The following MBD2 variants were observed in gnomAD, a reference collection of about 807,000 sequenced individuals.
MBD2 encodes methyl-CpG binding domain protein 2.
In MBD2, 9 loss-of-function variants were observed where a neutral mutation model predicts 39.3. The observed-to-expected ratio is 0.23, with a 90% CI of 0.14 to 0.40. The LOEUF (loss-of-function observed/expected upper bound fraction) is 0.40. Ranked by LOEUF, MBD2 falls within the 10% of genes least tolerant of loss-of-function variation. MBD2 has a pLI of 1.00. For synonymous variants in MBD2, 233 were observed against 211.1 expected, an observed-to-expected ratio of 1.10 and a Z score of -0.90; for missense variants, 458 against 532.6, an observed-to-expected ratio of 0.86 and a Z score of 1.38.
intron 1 of MBD2, among the ~76,000 whole-genome samples, chr18:54,217,566 GAGA>G (rs1248658762): frequency 4.6e-5 from 7 of 152,264 alleles, no homozygotes; most frequent in African/African-American, 1.7e-4. Context: ...TGCATGTCTT[GAGA>G]AGATTTTAAA....
chr18:54,183,705 C>G (rs1428843455), intron 3 of MBD2, among the ~76,000 whole-genome samples: 2 of 152,004 alleles, frequency 1.3e-5, no homozygotes, highest in Admixed American at 6.5e-5. Flanking sequence ...CACACAATGC[C>G]AAGAAGTTTG....
chr18:54,166,033 T>C (rs1339421487), intron 4 of MBD2, 43 bp downstream of exon 4: 10 of 1,307,704 alleles, frequency 7.6e-6, no homozygotes, highest in South Asian at 2.4e-5. Context: ...TGGCATGCAG[T>C]AGGTACTTGA....
chr18:54,166,727 G>C (rs117100344), intron 3 of MBD2, among the ~76,000 whole-genome samples: 27 of 152,258 alleles, frequency 1.8e-4, no homozygotes, highest in South Asian at 4.1e-4. Flanking sequence ...TCACATTCAT[G>C]AGTGACTCTT....
chr18:54,189,206 G>C (rs1189823112), intron 2 of MBD2, among the ~76,000 whole-genome samples, 195 bp from the exon 3 acceptor site: 3 of 149,688 alleles, frequency 2.0e-5, no homozygotes, highest in African/African-American at 7.4e-5. Context: ...CAAAATATAT[G>C]AAAAACTTTT....
At chr18:54,157,578 G>C (rs2086062181) in intron 6 of MBD2, among the ~76,000 whole-genome samples, 1 of 152,136 alleles carries the variant, frequency 6.6e-6, no homozygotes, top group African/African-American at 2.4e-5. Flanking sequence ...ATTCTGTATG[G>C]TCAGGAAACT....
In MBD2 at chr18:54,224,195, G is replaced by T; in HGVS notation, c.365C>A (p.Pro122His). 8.2e-7 allele frequency: 1 copy of T among 1,214,648 alleles called. No homozygotes were observed. Among genetic ancestry groups the T allele is most frequent in the Non-Finnish European group, 1.0e-6 (1 of 978,176 alleles). The allele number at this position is 1,214,648 out of a possible 1,614,324, so 75.2% of individuals were successfully genotyped here. Reference sequence around the variant, plus strand: ...CGGGAAAGGGACCGGCTCCCGCCGGGGGGCGCCGCCGCCACCGCTGCCGCC... The same window carrying T: ...CGGGAAAGGGACCGGCTCCCGCCGGTGGGCGCCGCCGCCACCGCTGCCGCC... ...GGGGSGGGGA[P>H]RREPVPFPSG... The change falls in exon 1 of 7, where the codon CCC becomes CAC. Residue 122 changes from proline (P) to histidine (H), a missense_variant. Pro to His is a moderately conservative substitution (Grantham distance 77). Transcript: ENST00000256429.
intron 1 of MBD2, among the ~76,000 whole-genome samples, chr18:54,216,034 T>A (rs1024593122): frequency 6.6e-6 from 1 of 151,966 alleles, no homozygotes; most frequent in African/African-American, 2.4e-5. Flanking sequence ...CTTGAACTCC[T>A]GACCTCAGGT....
intron 5 of MBD2, among the ~76,000 whole-genome samples, chr18:54,162,810 T>C (rs925354575): frequency 1.3e-5 from 2 of 152,250 alleles, no homozygotes; most frequent in African/African-American, 4.8e-5. Context: ...ACTTCATTCA[T>C]ATTCATATGC....
In MBD2 at chr18:54,156,682, T is replaced by C. The variant is rs1032205094; in HGVS notation, c.*13-1371A>G. Among the ~76,000 whole-genome samples, 4 of 151,764 alleles carry C rather than the reference T, an allele frequency of 2.6e-5. No individual in the cohort carries two copies. The South Asian group carries it at 6.3e-4, about 24-fold the overall frequency. On this transcript the variant is annotated intron_variant, in intron 6 of 6. Transcript: ENST00000256429. ...AACCTGCCCAACATGGCGAAAACCGTCTCTAGAAAAAATACAAAAAATTAA... is the reference window on the plus strand; with the variant it reads ...AACCTGCCCAACATGGCGAAAACCGCCTCTAGAAAAAATACAAAAAATTAA...
At chr18:54,156,152 T>G (rs2086050223) in intron 6 of MBD2, among the ~76,000 whole-genome samples, 1 of 152,214 alleles carries the variant, frequency 6.6e-6, no homozygotes, top group Admixed American at 6.5e-5. Flanking sequence ...TACGGACAGC[T>G]GATTGAGTCA....
intron 1 of MBD2, 101 bp downstream of exon 1, chr18:54,223,917 C>T: frequency 9.9e-7 from 1 of 1,012,556 alleles, no homozygotes; most frequent in Non-Finnish European, 1.4e-6. Flanking sequence ...GTCCCTGCCA[C>T]ATGCCCCCCG....
intron 2 of MBD2, among the ~76,000 whole-genome samples, chr18:54,203,431 G>C (rs1391968351): frequency 6.6e-6 from 1 of 152,116 alleles, no homozygotes; most frequent in Non-Finnish European, 1.5e-5. Flanking sequence ...CCTAACTTTT[G>C]CTAACTTGGG....
intron 2 of MBD2, among the ~76,000 whole-genome samples, chr18:54,189,299 C>G (rs373764368): frequency 1.9e-4 from 28 of 150,300 alleles, no homozygotes; most frequent in Non-Finnish European, 3.7e-4. Flanking sequence ...TCTAGGCTCA[C>G]TACAAGCTCC....
intron 3 of MBD2, among the ~76,000 whole-genome samples, chr18:54,188,380 A>T (rs2086298168): frequency 6.6e-6 from 1 of 152,250 alleles, no homozygotes; most frequent in Non-Finnish European, 1.5e-5. Context: ...GAATTGGTAC[A>T]AAAATGGAAG....
intron 2 of MBD2, among the ~76,000 whole-genome samples, chr18:54,191,274 G>C (rs1005099819): frequency 1.3e-5 from 2 of 152,138 alleles, no homozygotes; most frequent in Non-Finnish European, 2.9e-5. Context: ...TTCTATTAAG[G>C]TCTCAGGTGA....
At chr18:54,155,670 T>C (rs2086047154) in intron 6 of MBD2, among the ~76,000 whole-genome samples, 1 of 152,230 alleles carries the variant, frequency 6.6e-6, no homozygotes, top group South Asian at 2.1e-4. Flanking sequence ...CCAATCCAAA[T>C]ATATTTTGAG....
chr18:54,192,426 T>C (rs2086327132), intron 2 of MBD2, among the ~76,000 whole-genome samples: 1 of 152,038 alleles, frequency 6.6e-6, no homozygotes, highest in Admixed American at 6.6e-5. Flanking sequence ...AGAGACAGGG[T>C]TTCACCATGT....
chr18:54,196,469 C>T (rs1455040900), intron 2 of MBD2, among the ~76,000 whole-genome samples: 1 of 152,204 alleles, frequency 6.6e-6, no homozygotes. Context: ...AACAGTCCTA[C>T]TCAAACTCAG....
intron 3 of MBD2, among the ~76,000 whole-genome samples, chr18:54,185,057 C>A (rs986237129): frequency 2.0e-5 from 3 of 152,260 alleles, no homozygotes; most frequent in East Asian, 1.9e-4. Flanking sequence ...GAAATAGTAA[C>A]CCTCTGGGTT....
Sources: allele counts gnomAD v4.1 joint callset (sites outside exome capture counted in the v4.1 genomes callset), GRCh38; gene constraint gnomAD v4.1.1; transcripts MANE v1.5; gene names NCBI Gene and HGNC (gene_info 2026-07-23, HGNC 2026-07-21).